EXT1: variants seen among roughly 807,000 people sequenced by gnomAD.
EXT1 encodes exostosin glycosyltransferase 1, also known as exostosin-1.
In EXT1, 20 loss-of-function variants were observed where a neutral mutation model predicts 82.5. The ratio of observed to expected loss-of-function variants is 0.24; its 90% confidence interval spans 0.17 to 0.35. The LOEUF (loss-of-function observed/expected upper bound fraction) is 0.35. Ranked by LOEUF, EXT1 falls within the 10% of genes least tolerant of loss-of-function variation. The pLI is 1.00. For synonymous variants in EXT1, 348 were observed against 350.8 expected, an observed-to-expected ratio of 0.99 and a Z score of 0.09; for missense variants, 757 against 936.5, an observed-to-expected ratio of 0.81 and a Z score of 2.50.
At chr8:117,979,731 T>C (rs1284481119) in intron 1 of EXT1, among the ~76,000 whole-genome samples, 1 of 152,134 alleles carries the variant, frequency 6.6e-6, no homozygotes. Context: ...TCTCTACCCT[T>C]GAATGGGTAG....
Position 117,822,328 on chromosome 8 carries a change from T to C in EXT1, c.1417+137A>G, listed in dbSNP as rs17474483. 1.3e-3 allele frequency: 1,289 copies of C among 992,300 alleles called. 22 individuals carry two copies. The African/African-American group carries it at 0.018, about 14-fold the overall frequency. 61.5% of individuals were successfully genotyped at this position (992,300 alleles called of 1,614,324 possible). A position where few individuals can be genotyped will look rare whatever the true frequency, so the allele number is the denominator to read the frequency against. On this transcript the variant is annotated intron_variant, in intron 5 of 10. Transcript: ENST00000378204. ...GTTTTTGAACTTGATATGTCACTTA[T>C]AACAAGGCTCTAGAAAAAGCAATCT... is the stretch of plus-strand genomic sequence containing the variant.
At chr8:117,980,760 G>A (rs1018424174) in intron 1 of EXT1, among the ~76,000 whole-genome samples, 3 of 137,124 alleles carry the variant, frequency 2.2e-5, no homozygotes, top group African/African-American at 8.0e-5. Context: ...TGGAAACTTC[G>A]CTCTGGTTTT....
At chr8:118,041,661 AGAAAGAAGGAAG>A (rs1254997499) in intron 1 of EXT1, among the ~76,000 whole-genome samples, 9 of 111,202 alleles carry the variant, frequency 8.1e-5, no homozygotes, top group African/African-American at 2.1e-4. Context: ...AGAAAGAGAG[AGAAAGAAGGAAG>A]GAAGGAAGGA....
At chr8:118,096,656 AAGGAAGGAAGGAAGGAAGGGAGGG>A (rs67714225) in intron 1 of EXT1, among the ~76,000 whole-genome samples, 3,847 of 106,494 alleles carry the variant, frequency 0.036, 244 homozygotes, top group African/African-American at 0.095. Flanking sequence ...GGAAGGAAGG[AAGGAAGGAAGGAAGGAAGGGAGGG>A]AGGGAGGGAG....
At chr8:117,949,201 A>G (rs1167543365) in intron 1 of EXT1, among the ~76,000 whole-genome samples, 2 of 152,204 alleles carry the variant, frequency 1.3e-5, no homozygotes, top group Non-Finnish European at 2.9e-5. Flanking sequence ...CTTATTAAGT[A>G]TATTAGGAAT....
chr8:117,890,398 G>T (rs748468196), intron 1 of EXT1, among the ~76,000 whole-genome samples: 2 of 152,142 alleles, frequency 1.3e-5, no homozygotes, highest in African/African-American at 2.4e-5. Flanking sequence ...AGAGGCCAGG[G>T]ATGCTGTTTA....
chr8:117,972,159 A>AG (rs1554590194), intron 1 of EXT1, among the ~76,000 whole-genome samples: 5 of 151,888 alleles, frequency 3.3e-5, no homozygotes, highest in Non-Finnish European at 5.9e-5. Context: ...AAAAAAAAAA[A>AG]AAAGAAAGAA....
intron 1 of EXT1, among the ~76,000 whole-genome samples, chr8:117,961,814 CT>C (rs1814705730): frequency 6.6e-6 from 1 of 152,286 alleles, no homozygotes; most frequent in South Asian, 2.1e-4. Context: ...TGAGCTCCTG[CT>C]GCTGGCCTGA....
At chr8:118,012,715 G>A (rs1815927187) in intron 1 of EXT1, among the ~76,000 whole-genome samples, 1 of 152,176 alleles carries the variant, frequency 6.6e-6, no homozygotes, top group Admixed American at 6.5e-5. Context: ...AGGGCAGCCT[G>A]CAACAATGAT....
At chr8:117,821,810 A>G (rs1811928777) in intron 5 of EXT1, among the ~76,000 whole-genome samples, 1 of 152,214 alleles carries the variant, frequency 6.6e-6, no homozygotes, top group Non-Finnish European at 1.5e-5. Context: ...CATGAGAGCA[A>G]CTGGGGGTCC....
Position 117,934,256 on chromosome 8 carries a change from GA to G in EXT1, c.963-97056del, listed in dbSNP as rs372535933. 2.1e-3 allele frequency among the ~76,000 whole-genome samples: 312 copies of G among 146,966 alleles called. 1 individual carries two copies. Among genetic ancestry groups the G allele is most frequent in the African/African-American group, 6.5e-3 (261 of 40,312 alleles). On this transcript the variant is annotated intron_variant, in intron 1 of 10. Transcript: ENST00000378204. ...CACTTAGCAAAAAAAAGTATTAAATGAAAAAAAAAAATGGACTGTTTCTTGC... is the reference window on the plus strand; with the variant it reads ...CACTTAGCAAAAAAAAGTATTAAATGAAAAAAAAAATGGACTGTTTCTTGC...
At chr8:118,012,596 T>A (rs1815924389) in intron 1 of EXT1, among the ~76,000 whole-genome samples, 1 of 152,228 alleles carries the variant, frequency 6.6e-6, no homozygotes, top group Admixed American at 6.5e-5. Flanking sequence ...GACACCTGGC[T>A]GAAATTCCAG....
intron 1 of EXT1, among the ~76,000 whole-genome samples, chr8:118,082,300 T>C (rs944373422): frequency 6.6e-6 from 1 of 152,172 alleles, no homozygotes; most frequent in Non-Finnish European, 1.5e-5. Context: ...TCATGCACCA[T>C]AACACAATGC....
chr8:118,050,772 C>A (rs1477840684), intron 1 of EXT1, among the ~76,000 whole-genome samples: 1 of 151,152 alleles, frequency 6.6e-6, no homozygotes, highest in African/African-American at 2.4e-5. Flanking sequence ...TCTTAGCCCA[C>A]AGACTCTAAT....
intron 1 of EXT1, among the ~76,000 whole-genome samples, chr8:117,922,230 C>G (rs551535625): frequency 4.8e-4 from 73 of 152,166 alleles, no homozygotes; most frequent in Admixed American, 1.7e-3. Flanking sequence ...CCTTCAAAAA[C>G]GAGAAAGGGG....
chr8:117,915,833 G>A (rs1813737553), intron 1 of EXT1, among the ~76,000 whole-genome samples: 1 of 149,674 alleles, frequency 6.7e-6, no homozygotes, highest in South Asian at 2.1e-4. Context: ...TCCAGCGTGG[G>A]TGACAGAGCG....
intron 1 of EXT1, among the ~76,000 whole-genome samples, chr8:117,910,418 G>A (rs1200177569): frequency 6.6e-6 from 1 of 152,200 alleles, no homozygotes; most frequent in Non-Finnish European, 1.5e-5. Flanking sequence ...TCCACCCGGT[G>A]TGGGATCCAA....
At chr8:117,848,719 C>A (rs747390113) in intron 1 of EXT1, among the ~76,000 whole-genome samples, 1 of 152,150 alleles carries the variant, frequency 6.6e-6, no homozygotes, top group African/African-American at 2.4e-5. Flanking sequence ...TCCTCACACC[C>A]TTCTTCCTAT....
intron 1 of EXT1, among the ~76,000 whole-genome samples, chr8:118,031,861 A>G (rs1816325553): frequency 6.6e-6 from 1 of 152,108 alleles, no homozygotes. Flanking sequence ...CAGGAATTTT[A>G]CAAGCCAATG....
Sources: gnomAD v4.1 joint callset for allele counts (sites outside exome capture counted in the v4.1 genomes callset) on GRCh38, gnomAD v4.1.1 for gene constraint, MANE v1.5 for transcripts, NCBI Gene and HGNC (gene_info 2026-07-23, HGNC 2026-07-21) for gene names.